Variants in ACBD5 observed in about 807,000 individuals in gnomAD.
ACBD5 encodes acyl-CoA binding domain containing 5.
A neutral mutation model predicts 71.8 loss-of-function variants in ACBD5; 40 were observed. The ratio of observed to expected loss-of-function variants is 0.56; its 90% confidence interval spans 0.43 to 0.72. ACBD5 has a LOEUF of 0.72. ACBD5 is among the 30% of genes least tolerant of loss of function. ACBD5 has a pLI of 0.00. For missense variants in ACBD5, 559 were observed against 644.5 expected (o/e 0.87, Z 1.44); for synonymous variants, 229 against 218.6 (o/e 1.05, Z -0.42).
rs1588952894 is a variant in ACBD5 at position 27,198,129 on chromosome 10, C to A, written c.1566-687G>T. Among the ~76,000 whole-genome samples, 3 of 152,278 alleles carry A rather than the reference C, an allele frequency of 2.0e-5. No individual in the cohort carries two copies. The East Asian group carries it at 5.8e-4, about 29-fold the overall frequency. ...TAATAGATGTACGACCTGGAGTATT[C>A]ACTTAATCAACATGGATTATGTTTC... On this transcript the variant is annotated intron_variant, in intron 12 of 12. Transcript: ENST00000396271.
At chr10:27,194,636 T>TAAGAAG (rs772324351), downstream of ACBD5, among the ~76,000 whole-genome samples, 1,857 of 147,322 alleles carry the variant, frequency 0.013, 42 homozygotes, top group African/African-American at 0.043. Flanking sequence ...ATAATAATAA[T>TAAGAAG]AATAATAATA....
intron 13 of ACBD5, among the ~76,000 whole-genome samples, chr10:27,187,127 C>T (rs2058811194): frequency 6.6e-6 from 1 of 151,996 alleles, no homozygotes; most frequent in Admixed American, 6.6e-5. Flanking sequence ...TAATGAAACC[C>T]CATCTCTACT....
At chr10:27,205,765 G>C (rs1207177448) in intron 10 of ACBD5, among the ~76,000 whole-genome samples, 1 of 151,554 alleles carries the variant, frequency 6.6e-6, no homozygotes, top group African/African-American at 2.4e-5. Flanking sequence ...CCCGACCTCA[G>C]GTGATCCACC....
intron 7 of ACBD5, among the ~76,000 whole-genome samples, chr10:27,216,046 G>A (rs866886493): frequency 2.0e-5 from 3 of 151,392 alleles, no homozygotes; most frequent in African/African-American, 7.3e-5. Flanking sequence ...GGCTAATTTT[G>A]CATTTTTAGT....
At chr10:27,191,756 G>A (rs1406911943), downstream of ACBD5, among the ~76,000 whole-genome samples, 1 of 152,074 alleles carries the variant, frequency 6.6e-6, no homozygotes, top group Non-Finnish European at 1.5e-5. Context: ...GTGTGGTGGT[G>A]GGTGCTAATG....
intron 4 of ACBD5, among the ~76,000 whole-genome samples, chr10:27,224,527 G>C (rs2062768051): frequency 6.6e-6 from 1 of 152,200 alleles, no homozygotes; most frequent in South Asian, 2.1e-4. Context: ...GTAGGAAATT[G>C]TAATCACTTT....
At position 27,219,839 on chromosome 10, in the gene ACBD5, G is replaced by A. The variant is rs533670508; in HGVS notation, c.509C>T (p.Thr170Ile). 18 of 1,613,952 alleles carry A rather than the reference G, an allele frequency of 1.1e-5. No individual in the cohort carries two copies. The Admixed American group carries it at 2.7e-4, about 24-fold the overall frequency. Residue 170 changes from threonine to isoleucine, a missense_variant, in exon 6 of 13, where the codon ACT becomes ATT. Thr to Ile is a moderately conservative substitution (Grantham distance 89, BLOSUM62 -1). Transcript: ENST00000396271. The stretch of plus-strand genomic sequence containing the variant: ...AACGGTTTTGGCGTTTGGAGTAGAA[G>A]TGAGAACATTACCAAGATCTAAAAC... ...DITSDLGNVL[T>I]STPNAKTVNG...
At chr10:27,219,898 T>C (rs776100914) in intron 5 of ACBD5, 41 bp from the exon 6 acceptor site, 2 of 1,598,364 alleles carry the variant, frequency 1.3e-6, no homozygotes, top group East Asian at 2.2e-5. Context: ...TGTGATAATA[T>C]ACAATAATGT....
At chr10:27,217,839 A>G (rs1287465537) in intron 7 of ACBD5, 141 bp downstream of exon 7, 21 of 827,854 alleles carry the variant, frequency 2.5e-5, no homozygotes, top group Non-Finnish European at 3.7e-5. Context: ...TTTCAAAACT[A>G]TAAATGCTTA....
intron 9 of ACBD5, among the ~76,000 whole-genome samples, chr10:27,209,072 A>G (rs551704851): frequency 9.9e-5 from 15 of 151,302 alleles, no homozygotes; most frequent in African/African-American, 3.4e-4. Flanking sequence ...TAAGGTAACC[A>G]GACTGAAAAA....
chr10:27,240,651 G>T lies in ACBD5; in HGVS notation c.15+23C>A. On this transcript the variant is annotated intron_variant, in intron 1 of 12. Transcript: ENST00000396271. The surrounding 1 kb of genome is among the most constrained non-coding windows in gnomAD (Gnocchi z 4.1). ...GTGACTAAGGCCACGAATCCGGCCC[G>T]CGACGACAGCAAAACAACTCACCGA... 1 of 1,550,978 alleles carries T rather than the reference G, an allele frequency of 6.4e-7. No homozygotes were observed. The highest frequency in any genetic ancestry group is 8.7e-7 in the Non-Finnish European group (1 of 1,146,950).
chr10:27,239,650 T>G (rs2065202340), intron 2 of ACBD5, among the ~76,000 whole-genome samples: 1 of 152,250 alleles, frequency 6.6e-6, no homozygotes, highest in Non-Finnish European at 1.5e-5. Context: ...TATTCTTTCT[T>G]TTCTGTCCCT....
Position 27,204,533 on chromosome 10 carries a change from G to A in ACBD5, c.1472C>T (p.Pro491Leu), listed in dbSNP as rs774247623. 3.0e-5 allele frequency: 49 copies of A among 1,613,624 alleles called. No individual in the cohort carries two copies. Among genetic ancestry groups the A allele is most frequent in the Non-Finnish European group, 3.9e-5 (46 of 1,179,838 alleles). ...QPTSQRPSWW[P>L]FEMSPGVLTF... ...TAGCACACCAGGAGACATCTCGAAG[G>A]GCCACCAAGATGGTCTCTGAGAAAA... is the stretch of plus-strand genomic sequence containing the variant. The change falls in exon 12 of 13, where the codon CCC becomes CTC. Residue 491 changes from proline (P) to leucine (L), a missense_variant. Pro to Leu is a moderately conservative substitution (Grantham distance 98, BLOSUM62 -3). Transcript: ENST00000396271.
intron 12 of ACBD5, among the ~76,000 whole-genome samples, chr10:27,199,905 C>T (rs1428773435): frequency 6.6e-6 from 1 of 151,732 alleles, no homozygotes; most frequent in Non-Finnish European, 1.5e-5. Flanking sequence ...GAGACAATAG[C>T]GTGAACCTGG....
intron 5 of ACBD5, among the ~76,000 whole-genome samples, chr10:27,221,917 C>CAAA (rs56253187): frequency 7.1e-4 from 55 of 76,996 alleles, no homozygotes; most frequent in South Asian, 1.5e-3. Context: ...GACTCCATCT[C>CAAA]AAAAAAAAAA....
intron 13 of ACBD5, chr10:27,186,316 C>A (rs1299943443): frequency 2.1e-6 from 3 of 1,435,620 alleles, no homozygotes; most frequent in East Asian, 2.3e-5. Context: ...TATAATAATT[C>A]CTGTAAAGCA....
Position 27,204,520 on chromosome 10 carries a change from AG to A in ACBD5, c.1484del (p.Ser495PhefsTer5). The A allele has an allele frequency of 6.2e-7, 1 of 1,614,130 alleles. No individual in the cohort carries two copies. The highest frequency in any genetic ancestry group is 1.3e-5 in the African/African-American group (1 of 75,074). On this transcript the variant is annotated frameshift_variant, in exon 12 of 13. Coordinates refer to ENST00000396271, the MANE Select transcript of ACBD5 (RefSeq NM_145698.5). LOFTEE classifies it high-confidence loss of function. The part of the protein sequence containing the change: ...QRPSWWPFEM[S>X]PGVLTFAIIW... The stretch of plus-strand genomic sequence containing the variant: ...TGATGGCAAACGTTAGCACACCAGG[AG>A]ACATCTCGAAGGGCCACCAAGATGG...
intron 2 of ACBD5, among the ~76,000 whole-genome samples, chr10:27,237,782 A>T (rs1448251005): frequency 1.3e-5 from 2 of 151,352 alleles, no homozygotes; most frequent in Non-Finnish European, 2.9e-5. Context: ...CACTACACTC[A>T]GCTAATTTTT....
chr10:27,191,895 A>T (rs1052386034), downstream of ACBD5, among the ~76,000 whole-genome samples: 2 of 146,460 alleles, frequency 1.4e-5, no homozygotes, highest in Admixed American at 6.6e-5. Context: ...AATCAAAAAA[A>T]AATAATAACA....
Sources: gnomAD v4.1 joint callset for allele counts (sites outside exome capture counted in the v4.1 genomes callset) on GRCh38, gnomAD v4.1.1 for gene constraint, Gnocchi (gnomAD v3.1) non-coding constraint, MANE v1.5 for transcripts, NCBI Gene and HGNC (gene_info 2026-07-23, HGNC 2026-07-21) for gene names.